Variants in EIF2S2 observed in about 807,000 individuals in gnomAD.
EIF2S2 encodes eukaryotic translation initiation factor 2 subunit 2.
A neutral mutation model predicts 44.0 loss-of-function variants in EIF2S2; 4 were observed. The ratio of observed to expected loss-of-function variants is 0.09; its 90% CI spans 0.04 to 0.21. The LOEUF is 0.21. EIF2S2 is among the 10% of genes least tolerant of loss of function. The pLI, the probability that EIF2S2 is intolerant of heterozygous loss-of-function variation, is 1.00. For missense variants in EIF2S2, 154 were observed against 392.0 expected (o/e 0.39, Z 5.13); for synonymous variants, 108 against 128.3 (o/e 0.84, Z 1.07).
At chr20:34,091,201 C>T (rs1163233141) in intron 7 of EIF2S2, among the ~76,000 whole-genome samples, 1 of 152,124 alleles carries the variant, frequency 6.6e-6, no homozygotes, top group African/African-American at 2.4e-5. Context: ...GACAGTCCAT[C>T]CAACAAAGGA....
chr20:34,105,056 A>G (rs2034332891), intron 2 of EIF2S2, among the ~76,000 whole-genome samples: 1 of 152,224 alleles, frequency 6.6e-6, no homozygotes, highest in Non-Finnish European at 1.5e-5. Flanking sequence ...CTATCTTAGT[A>G]CCATTTCTTT....
Position 34,089,685 on chromosome 20 carries a change from A to G in EIF2S2, c.*45T>C, listed in dbSNP as rs1442105962. On this transcript the variant is annotated 3_prime_UTR_variant, in exon 9 of 9. Coordinates refer to ENST00000374980, the MANE Select transcript of EIF2S2 (RefSeq NM_003908.5). ...ATCCACTCTGATGGCAAACCTGTCC[A>G]GCCACATCTCCACAACAAGCTTTGC... The G allele has an allele frequency of 6.3e-7, 1 of 1,585,246 alleles. No individual in the cohort carries two copies. The highest frequency in any genetic ancestry group is 1.1e-5 in the South Asian group (1 of 88,194).
intron 7 of EIF2S2, among the ~76,000 whole-genome samples, chr20:34,093,090 A>G (rs2034186747): frequency 6.6e-6 from 1 of 152,136 alleles, no homozygotes; most frequent in Non-Finnish European, 1.5e-5. Context: ...ATCATGACCT[A>G]CTCTACATTA....
intron 1 of EIF2S2, among the ~76,000 whole-genome samples, chr20:34,106,224 G>A (rs1383002124): frequency 2.6e-5 from 4 of 151,966 alleles, no homozygotes; most frequent in African/African-American, 9.7e-5. Flanking sequence ...CTGGCCAGGG[G>A]TATCAATGTT....
At chr20:34,093,377 A>G (rs1195764107) in intron 7 of EIF2S2, among the ~76,000 whole-genome samples, 2 of 152,234 alleles carry the variant, frequency 1.3e-5, no homozygotes, top group Non-Finnish European at 2.9e-5. Context: ...TAAAAATCTA[A>G]TATTTGCTCC....
chr20:34,110,869 C>T (rs1024811972), intron 1 of EIF2S2, among the ~76,000 whole-genome samples: 2 of 152,320 alleles, frequency 1.3e-5, no homozygotes, highest in Admixed American at 6.5e-5. Flanking sequence ...TGTCTATAAC[C>T]GCCAAGGACC....
rs1032485619 is a variant in EIF2S2, at chr20:34,088,617, T to C, written c.*1113A>G. ...TGCTCCTGAGCTGCTTAGTACGAAG[T>C]CGGGCAACAAGAAAGCGAGGAGCAG... On this transcript the variant is annotated 3_prime_UTR_variant, in exon 9 of 9. Coordinates refer to ENST00000374980, the MANE Select transcript of EIF2S2 (RefSeq NM_003908.5). 6.6e-6 allele frequency: 1 copy of C among 152,640 alleles called. No homozygotes were observed. Among genetic ancestry groups the C allele is most frequent in the Non-Finnish European group, 1.5e-5 (1 of 68,046 alleles). The allele number at this position is 152,640 out of a possible 1,614,324, so 9.5% of individuals were successfully genotyped here. A position where few individuals can be genotyped will look rare whatever the true frequency, so the allele number is the denominator to read the frequency against.
chr20:34,096,848 C>A, intron 5 of EIF2S2, 43 bp from the exon 6 acceptor site: 1 of 1,575,056 alleles, frequency 6.3e-7, no homozygotes, highest in Non-Finnish European at 8.6e-7. Flanking sequence ...TTAGTAACTG[C>A]AGGGGTATAA....
At chr20:34,110,448 C>A (rs2034399760) in intron 1 of EIF2S2, among the ~76,000 whole-genome samples, 1 of 152,194 alleles carries the variant, frequency 6.6e-6, no homozygotes, top group Admixed American at 6.5e-5. Flanking sequence ...TGATCTTGGA[C>A]AAGTTAATCT....
At chr20:34,099,922 G>A (rs1039739766) in intron 3 of EIF2S2, among the ~76,000 whole-genome samples, 4 of 152,160 alleles carry the variant, frequency 2.6e-5, no homozygotes, top group Non-Finnish European at 4.4e-5. Context: ...CACCCTCCTA[G>A]CACCTTGCTG....
In EIF2S2 at chr20:34,091,344, GAAGTA is replaced by G. The variant is rs962186929; in HGVS notation, c.741-747_741-743del. Among the ~76,000 whole-genome samples, 51 of 152,332 alleles carry G rather than the reference GAAGTA, an allele frequency of 3.3e-4. 1 individual carries two copies. The highest frequency in any genetic ancestry group is 6.8e-3 in the Middle Eastern group (2 of 294). On this transcript the variant is annotated intron_variant, in intron 7 of 8. Coordinates refer to ENST00000374980, the MANE Select transcript of EIF2S2 (RefSeq NM_003908.5). ...AAATATTTTGATTCAGGCATGGTTA[GAAGTA>G]TAGTTGATAAAAATATACTAAAATT...
At chr20:34,111,361 C>G (rs2034409943) in intron 1 of EIF2S2, among the ~76,000 whole-genome samples, 1 of 152,158 alleles carries the variant, frequency 6.6e-6, no homozygotes, top group African/African-American at 2.4e-5. Context: ...GACGTTATAT[C>G]AACTAGGATA....
chr20:34,107,515 T>C (rs1299921777), intron 1 of EIF2S2, among the ~76,000 whole-genome samples: 2 of 152,172 alleles, frequency 1.3e-5, no homozygotes, highest in Non-Finnish European at 2.9e-5. Flanking sequence ...TGTAAAACAC[T>C]TGCCATAGTG....
chr20:34,089,194 A>G lies in EIF2S2; in HGVS notation c.*536T>C, dbSNP rs2034131837. ...AAATCTATGGAGTCATTCCCTGGAC[A>G]CTGAAAACAGGCAATCCTCCTAAGT... is the stretch of plus-strand genomic sequence containing the variant. On this transcript the variant is annotated 3_prime_UTR_variant, in exon 9 of 9. Coordinates refer to ENST00000374980, the MANE Select transcript of EIF2S2 (RefSeq NM_003908.5). 1 of 152,918 alleles carries G rather than the reference A, an allele frequency of 6.5e-6. No homozygotes were observed. Among genetic ancestry groups the G allele is most frequent in the Non-Finnish European group, 1.5e-5 (1 of 68,330 alleles). The allele number at this position is 152,918 out of a possible 1,614,324, so 9.5% of individuals were successfully genotyped here.
chr20:34,093,645 T>C (rs1157074997), intron 7 of EIF2S2, 30 bp downstream of exon 7: 1 of 1,553,812 alleles, frequency 6.4e-7, no homozygotes, highest in Non-Finnish European at 8.8e-7. Flanking sequence ...TGTCCAGCAG[T>C]ACTGTATGTA....
intron 6 of EIF2S2, 72 bp from the exon 7 acceptor site, chr20:34,093,803 C>A (rs145616562): frequency 8.9e-5 from 120 of 1,348,394 alleles, no homozygotes; most frequent in Non-Finnish European, 1.0e-4. Flanking sequence ...AAAATCTGTT[C>A]ATTGTTTTGA....
chr20:34,093,650 T>C (rs200396740), intron 7 of EIF2S2, 25 bp downstream of exon 7: 1 of 1,584,260 alleles, frequency 6.3e-7, no homozygotes, highest in African/African-American at 1.3e-5. Flanking sequence ...AGCAGTACTG[T>C]ATGTAAATGT....
chr20:34,111,466 A>C (rs2034411013), intron 1 of EIF2S2, among the ~76,000 whole-genome samples: 1 of 152,194 alleles, frequency 6.6e-6, no homozygotes, highest in African/African-American at 2.4e-5. Flanking sequence ...CTTCCCGCTC[A>C]CGTCGCCGGT....
Position 34,097,512 on chromosome 20 carries a change from T to C in EIF2S2, c.438A>G (p.Leu146=), listed in dbSNP as rs779505639. 6.2e-7 allele frequency: 1 copy of C among 1,612,550 alleles called. No individual in the cohort carries two copies. Among genetic ancestry groups the C allele is most frequent in the South Asian group, 1.1e-5 (1 of 91,084 alleles). The change falls in exon 5 of 9, where the codon CTA becomes CTG. Residue 146 remains leucine (L), a synonymous_variant. Coordinates refer to ENST00000374980, the MANE Select transcript of EIF2S2 (RefSeq NM_003908.5). ...EDEILEKDEA[L]EDEDNKKDDG... ...CATCTTTTTTGTTGTCTTCATCTTC[T>C]AGAGCTACAGATAAAAAAGATTTTA...
Sources: gnomAD v4.1 joint callset for allele counts (sites outside exome capture counted in the v4.1 genomes callset) on GRCh38, gnomAD v4.1.1 for gene constraint, MANE v1.5 for transcripts, NCBI Gene and HGNC (gene_info 2026-07-23, HGNC 2026-07-21) for gene names.